Variants in CATSPERD observed in about 807,000 individuals in gnomAD.
CATSPERD encodes the protein cation channel sperm-associated auxiliary subunit delta.
A neutral mutation model predicts 98.1 loss-of-function variants in CATSPERD; 86 were observed. That is an observed-to-expected ratio of 0.88 (90% confidence interval 0.74 to 1.05). CATSPERD has a LOEUF of 1.05. Ranked by LOEUF, CATSPERD falls within the 50% of genes least tolerant of loss-of-function variation. The pLI is 0.00. For missense variants in CATSPERD, 995 were observed against 1,005.7 expected (o/e 0.99, Z 0.14); for synonymous variants, 394 against 390.2 (o/e 1.01, Z -0.12).
intron 12 of CATSPERD, 30 bp downstream of exon 12, chr19:5,751,853 T>C (rs751562766): frequency 6.4e-7 from 1 of 1,571,926 alleles, no homozygotes; most frequent in Non-Finnish European, 8.7e-7. Flanking sequence ...TTGATCAATG[T>C]TCAATGTAGT....
At chr19:5,727,372 C>A (rs773678262) in intron 3 of CATSPERD, 28 bp downstream of exon 3, 2 of 1,436,248 alleles carry the variant, frequency 1.4e-6, no homozygotes, top group East Asian at 2.3e-5. Flanking sequence ...GTACTGTTAC[C>A]TTCCTTTTAA....
At chr19:5,776,833 C>T (rs2056748987) in intron 21 of CATSPERD, among the ~76,000 whole-genome samples, 1 of 150,722 alleles carries the variant, frequency 6.6e-6, no homozygotes, top group East Asian at 1.9e-4. Context: ...GAGATTGCGC[C>T]ACTCACTGGC....
chr19:5,722,085 G>C lies in CATSPERD; in HGVS notation c.71+1277G>C, dbSNP rs1236723286. Among the ~76,000 whole-genome samples the C allele has an allele frequency of 2.0e-5, 3 of 151,932 alleles. No individual in the cohort carries two copies. The East Asian group carries it at 5.8e-4, about 29-fold the overall frequency. Reference sequence around the variant, plus strand: ...TCCTGCCTCAGCCTCCCAAAGTGTTGGGATTACAGGCATGAGCCACCCATG... The same window carrying C: ...TCCTGCCTCAGCCTCCCAAAGTGTTCGGATTACAGGCATGAGCCACCCATG... On this transcript the variant is annotated intron_variant, in intron 1 of 21. Transcript: ENST00000381624.
intron 17 of CATSPERD, among the ~76,000 whole-genome samples, chr19:5,767,333 A>AG (rs1206819737): frequency 6.7e-6 from 1 of 149,106 alleles, no homozygotes; most frequent in Admixed American, 6.7e-5. Flanking sequence ...AAAAAAAAAA[A>AG]AGCCAGACCA....
intron 12 of CATSPERD, among the ~76,000 whole-genome samples, chr19:5,753,273 A>C (rs2056255287): frequency 6.6e-6 from 1 of 152,080 alleles, no homozygotes; most frequent in East Asian, 1.9e-4. Flanking sequence ...AAGAAACAGA[A>C]AGAGGGGGCG....
chr19:5,728,370 AAAAAGAAAAAG>A (rs2055649812), intron 3 of CATSPERD, among the ~76,000 whole-genome samples: 10 of 147,870 alleles, frequency 6.8e-5, no homozygotes, highest in African/African-American at 2.3e-4. Context: ...AAAAAAAAAA[AAAAAGAAAAAG>A]AAAAGAAAAG....
intron 17 of CATSPERD, among the ~76,000 whole-genome samples, chr19:5,767,530 C>T (rs1013021896): frequency 6.6e-6 from 1 of 151,040 alleles, no homozygotes; most frequent in Non-Finnish European, 1.5e-5. Flanking sequence ...CTCTGTCGCC[C>T]AGGCTGGAGT....
chr19:5,730,226 T>C (rs771482246), intron 4 of CATSPERD, among the ~76,000 whole-genome samples: 1 of 152,168 alleles, frequency 6.6e-6, no homozygotes, highest in Non-Finnish European at 1.5e-5. Flanking sequence ...GATGGGATGG[T>C]ATCTTACTTT....
chr19:5,744,813 C>G (rs1260406241), intron 8 of CATSPERD, among the ~76,000 whole-genome samples: 2 of 152,124 alleles, frequency 1.3e-5, no homozygotes, highest in Non-Finnish European at 2.9e-5. Context: ...GTTGGCCAGG[C>G]TGGTCTCGAA....
chr19:5,762,060 T>TATATATATATATATA (rs1568367069), intron 15 of CATSPERD, among the ~76,000 whole-genome samples: 2 of 12,078 alleles, frequency 1.7e-4, no homozygotes, highest in Non-Finnish European at 3.4e-4. Flanking sequence ...ATATATATAT[T>TATATATATATATATA]TTTTTTTTTT....
At chr19:5,753,860 G>A (rs1461658667) in intron 12 of CATSPERD, among the ~76,000 whole-genome samples, 2 of 151,670 alleles carry the variant, frequency 1.3e-5, no homozygotes, top group African/African-American at 2.4e-5. Context: ...GCGACAGAGC[G>A]AGACCCTGTC....
chr19:5,735,765 G>A (rs2055832464), intron 5 of CATSPERD, among the ~76,000 whole-genome samples: 1 of 143,804 alleles, frequency 7.0e-6, no homozygotes, highest in East Asian at 2.1e-4. Flanking sequence ...GAGCCACCAT[G>A]CCCGGCTAAT....
Position 5,778,384 on chromosome 19 carries a change from A to T in CATSPERD, c.2105A>T (p.Gln702Leu), listed in dbSNP as rs1407245590. 6.2e-7 allele frequency: 1 copy of T among 1,607,054 alleles called. No homozygotes were observed. Among genetic ancestry groups the T allele is most frequent in the African/African-American group, 1.3e-5 (1 of 74,738 alleles). The change falls in exon 22 of 22, where the codon CAA (glutamine) becomes CTA (leucine). Residue 702 changes from glutamine (Q) to leucine (L), a missense_variant. Gln to Leu is a moderately radical substitution (Grantham distance 113, BLOSUM62 -2). Coordinates refer to ENST00000381624, the MANE Select transcript of CATSPERD (RefSeq NM_152784.4). ...GCCTCCCCCCACCGCAGCTACTGTCAACTGGAGACCATCTTTAGCATCTAC... is the reference window on the plus strand; with the variant it reads ...GCCTCCCCCCACCGCAGCTACTGTCTACTGGAGACCATCTTTAGCATCTAC... The part of the protein sequence containing the change: ...SIVDPYYSYC[Q>L]LETIFSIYVY...
chr19:5,737,858 AAAAAAAG>A lies in CATSPERD; in HGVS notation c.459+662_459+668del, dbSNP rs996991462. Among the ~76,000 whole-genome samples the A allele has an allele frequency of 5.3e-5, 8 of 151,962 alleles. No individual in the cohort carries two copies. In the South Asian group the frequency reaches 1.2e-3, roughly 24 times the overall value. The stretch of plus-strand genomic sequence containing the variant: ...AGAGTGAAACTCCATCTCAAAAAAA[AAAAAAAG>A]AAAAAAGATAAAGAAATAAGGACAG... On this transcript the variant is annotated intron_variant, in intron 6 of 21. Transcript: ENST00000381624.
intron 20 of CATSPERD, among the ~76,000 whole-genome samples, chr19:5,773,296 G>A (rs1323570345): frequency 6.6e-6 from 1 of 152,176 alleles, no homozygotes; most frequent in African/African-American, 2.4e-5. Flanking sequence ...CACAGATCAC[G>A]ACTGCAAAAG....
rs562584845 is a variant in CATSPERD, at chr19:5,723,862, C to T, written c.72-946C>T. The stretch of plus-strand genomic sequence containing the variant: ...TGCAATCTCAGCTCACCATAACCTC[C>T]GCCTCCCGGGTTCAAGCGATTCTCC... On this transcript the variant is annotated intron_variant, in intron 1 of 21. Coordinates refer to ENST00000381624, the MANE Select transcript of CATSPERD (RefSeq NM_152784.4). Among the ~76,000 whole-genome samples, 25 of 151,260 alleles carry T rather than the reference C, an allele frequency of 1.7e-4. 1 individual carries two copies. The South Asian group carries it at 4.7e-3, about 28-fold the overall frequency.
In CATSPERD at chr19:5,745,927, C is replaced by T; in HGVS notation, c.672C>T (p.Tyr224=). The T allele has an allele frequency of 6.2e-7, 1 of 1,614,132 alleles. No individual in the cohort carries two copies. Among genetic ancestry groups the T allele is most frequent in the Non-Finnish European group, 8.5e-7 (1 of 1,180,016 alleles). Residue 224 remains tyrosine (Y), a synonymous_variant, in exon 9 of 22, where the codon TAC becomes TAT. Transcript: ENST00000381624. ...TTTTCTCCCAGGGCATGTTCAAGTACTCAGATCACCCCCTCAACCGGAGTT... is the reference window on the plus strand; with the variant it reads ...TTTTCTCCCAGGGCATGTTCAAGTATTCAGATCACCCCCTCAACCGGAGTT... ...VVNQGKGMFK[Y]SDHPLNRSFG...
At chr19:5,730,600 T>G (rs535514828) in intron 4 of CATSPERD, among the ~76,000 whole-genome samples, 1 of 151,902 alleles carries the variant, frequency 6.6e-6, no homozygotes, top group Non-Finnish European at 1.5e-5. Flanking sequence ...GGATGGTATC[T>G]TACTTTACAT....
At chr19:5,767,012 A>C (rs1222656487) in intron 17 of CATSPERD, among the ~76,000 whole-genome samples, 1 of 151,480 alleles carries the variant, frequency 6.6e-6, no homozygotes, top group African/African-American at 2.4e-5. Flanking sequence ...TTTTAAAATA[A>C]ATTTTTTAAA....
Sources: allele counts gnomAD v4.1 joint callset (sites outside exome capture counted in the v4.1 genomes callset), GRCh38; gene constraint gnomAD v4.1.1; transcripts MANE v1.5; gene names NCBI Gene and HGNC (gene_info 2026-07-23, HGNC 2026-07-21).